Variants in ACSL1 observed in about 807,000 individuals in gnomAD.
The protein encoded by ACSL1 is acyl-CoA synthetase long chain family member 1.
ACSL1 carries 41 observed loss-of-function variants against 98.4 expected under a neutral mutation model. That is an observed-to-expected ratio of 0.42 (90% CI 0.32 to 0.54). The LOEUF is 0.54. Among genes scored for constraint, ACSL1 ranks in the 20% least tolerant of loss-of-function variants. ACSL1 has a pLI of 0.13. For missense variants in ACSL1, 734 were observed against 883.1 expected, an observed-to-expected ratio of 0.83 and a Z score of 2.14; for synonymous variants, 316 against 322.7, an observed-to-expected ratio of 0.98 and a Z score of 0.22.
chr4:184,798,552 G>A, intron 2 of ACSL1: 1 of 181,496 alleles, frequency 5.5e-6, no homozygotes, highest in Admixed American at 5.4e-5. Context: ...CTTGCATGGG[G>A]CTCATCACCA....
At chr4:184,797,799 A>G (rs1579932518) in intron 2 of ACSL1, among the ~76,000 whole-genome samples, 1 of 152,300 alleles carries the variant, frequency 6.6e-6, no homozygotes, top group East Asian at 1.9e-4. Flanking sequence ...CCCTGAGGGC[A>G]GCAGCCTTCT....
At chr4:184,798,561 C>A in intron 2 of ACSL1, 1 of 173,950 alleles carries the variant, frequency 5.7e-6, no homozygotes, top group Non-Finnish European at 1.2e-5. Context: ...GGCTCATCAC[C>A]AATGGCCCCC....
chr4:184,775,656 G>T (rs980471695), intron 7 of ACSL1, among the ~76,000 whole-genome samples: 4 of 152,156 alleles, frequency 2.6e-5, no homozygotes, highest in African/African-American at 7.2e-5. Context: ...TGCCTACTGG[G>T]TTCCTCAGGA....
At chr4:184,786,691 T>C (rs941658525) in intron 3 of ACSL1, among the ~76,000 whole-genome samples, 32 of 119,638 alleles carry the variant, frequency 2.7e-4, no homozygotes, top group African/African-American at 8.3e-4. Context: ...ATAGGCACTT[T>C]CTTTTTTTTT....
In ACSL1 at chr4:184,803,428, C is replaced by T. The variant is rs755249538; in HGVS notation, c.87G>A (p.Thr29=). 1.2e-5 allele frequency: 19 copies of T among 1,613,990 alleles called. No individual in the cohort carries two copies. The South Asian group carries it at 1.4e-4, about 12-fold the overall frequency. The change falls in exon 2 of 21, where the codon ACG becomes ACA. Residue 29 remains threonine, a synonymous_variant. Transcript: ENST00000281455. This position sits in a 1 kb window ranked among gnomAD's most constrained non-coding sequence, Gnocchi z 4.8. ...RQYVRTLPTN[T]LMGFGAFAAL... Reference sequence around the variant, plus strand: ...CTGCAAAAGCTCCGAAGCCCATAAGCGTGTTGGTCGGAAGAGTACGCACGT... The same window carrying T: ...CTGCAAAAGCTCCGAAGCCCATAAGTGTGTTGGTCGGAAGAGTACGCACGT...
Position 184,757,389 on chromosome 4 carries a change from G to GA in ACSL1, c.1957-125_1957-124insT. On this transcript the variant is annotated intron_variant, in intron 20 of 20. Coordinates refer to ENST00000281455, the MANE Select transcript of ACSL1 (RefSeq NM_001995.5). This position sits in a 1 kb window ranked among gnomAD's most constrained non-coding sequence, Gnocchi z 4.5. The stretch of plus-strand genomic sequence containing the variant: ...CAATCCATCCTCTCATTTCAGCCAA[G>GA]CTGCACCTTCTCAACAAAGGACAGG... 1 of 1,267,856 alleles carries GA rather than the reference G, an allele frequency of 7.9e-7. No homozygotes were observed. The highest frequency in any genetic ancestry group is 1.1e-6 in the Non-Finnish European group (1 of 929,942). 78.5% of individuals were successfully genotyped at this position (1,267,856 alleles called of 1,614,324 possible). A position where few individuals can be genotyped will look rare whatever the true frequency, so the allele number is the denominator to read the frequency against.
At position 184,810,275 on chromosome 4, in the gene ACSL1, G is replaced by A. The variant is rs200107427; in HGVS notation, c.-32-6729C>T. Among the ~76,000 whole-genome samples the A allele has an allele frequency of 7.9e-5, 12 of 152,320 alleles. No homozygotes were observed. The East Asian group carries it at 2.3e-3, about 29-fold the overall frequency. ...GACCTGTACAAGGACCCATGACTAG[G>A]ACTGGTAGAGACGGTTTCAGGACAA... On this transcript the variant is annotated intron_variant, in intron 1 of 20. Transcript: ENST00000281455.
Position 184,773,233 on chromosome 4 carries a change from G to T in ACSL1, c.842-79C>A. The T allele has an allele frequency of 7.8e-7, 1 of 1,280,762 alleles. No individual in the cohort carries two copies. Among genetic ancestry groups the T allele is most frequent in the Non-Finnish European group, 1.1e-6 (1 of 888,356 alleles). The allele number at this position is 1,280,762 out of a possible 1,614,324, so 79.3% of individuals were successfully genotyped here. The stretch of plus-strand genomic sequence containing the variant: ...GGCCCAGAAACCTCACATAATTAGG[G>T]CTTCAGACACCTCTACTGTTAGATA... On this transcript the variant is annotated intron_variant, in intron 9 of 20. Coordinates refer to ENST00000281455, the MANE Select transcript of ACSL1 (RefSeq NM_001995.5). This position sits in a 1 kb window ranked among gnomAD's most constrained non-coding sequence, Gnocchi z 4.3.
intron 5 of ACSL1, 101 bp from the exon 6 acceptor site, chr4:184,777,084 G>A (rs778125569): frequency 2.6e-5 from 28 of 1,071,238 alleles, no homozygotes; most frequent in African/African-American, 3.1e-5. Flanking sequence ...AACATTTGAC[G>A]CAGCAAAATT....
At chr4:184,774,476 T>G (rs1431824131) in intron 7 of ACSL1, among the ~76,000 whole-genome samples, 1 of 152,138 alleles carries the variant, frequency 6.6e-6, no homozygotes, top group Admixed American at 6.5e-5. Context: ...CAGCAGACCC[T>G]CTAAGACTCC....
At position 184,773,899 on chromosome 4, in the gene ACSL1, C is replaced by G. The variant is rs779572401; in HGVS notation, c.757-24G>C. 10 of 1,613,652 alleles carry G rather than the reference C, an allele frequency of 6.2e-6. No individual in the cohort carries two copies. The highest frequency in any genetic ancestry group is 2.2e-5 in the South Asian group (2 of 91,044). On this transcript the variant is annotated intron_variant, in intron 7 of 20. Coordinates refer to ENST00000281455, the MANE Select transcript of ACSL1 (RefSeq NM_001995.5). This position sits in a 1 kb window ranked among gnomAD's most constrained non-coding sequence, Gnocchi z 4.3. ...TCCTTAATTAGAAGAGAAAAAAAGT[C>G]TTAAATGGAAACGTTTTCTAACTGT...
Position 184,804,971 on chromosome 4 carries a change from A to G in ACSL1, c.-32-1425T>C, listed in dbSNP as rs544873559. 7.9e-5 allele frequency among the ~76,000 whole-genome samples: 12 copies of G among 152,342 alleles called. No homozygotes were observed. The South Asian group carries it at 2.5e-3, about 32-fold the overall frequency. The stretch of plus-strand genomic sequence containing the variant: ...AAACTACCATCAGAGTGAACAGGCA[A>G]CCTACAGAATGGGAGAAAATTTTTG... On this transcript the variant is annotated intron_variant, in intron 1 of 20. Transcript: ENST00000281455.
intron 2 of ACSL1, among the ~76,000 whole-genome samples, chr4:184,799,657 G>A (rs1413195217): frequency 6.6e-6 from 1 of 152,106 alleles, no homozygotes; most frequent in Non-Finnish European, 1.5e-5. Context: ...AGACCAGCCT[G>A]GGCAACACAG....
Position 184,757,229 on chromosome 4 carries a change from T to C in ACSL1, c.1993A>G (p.Ile665Val), listed in dbSNP as rs781457920. Reference protein sequence around the residue: ...GITLHPELFSIDNGLLTPTMK... With the variant: ...GITLHPELFSVDNGLLTPTMK... ...GTTGGAGTCAGAAGGCCATTGTCGA[T>C]AGAAAATAATTCAGGGTGCAATGTG... The change falls in exon 21 of 21, where the codon ATC becomes GTC. Residue 665 changes from isoleucine to valine, a missense_variant. By Grantham distance (29) the Ile-to-Val change is conservative. Coordinates refer to ENST00000281455, the MANE Select transcript of ACSL1 (RefSeq NM_001995.5). This position sits in a 1 kb window ranked among gnomAD's most constrained non-coding sequence, Gnocchi z 4.5. The C allele has an allele frequency of 1.9e-6, 3 of 1,607,662 alleles. No individual in the cohort carries two copies. The highest frequency in any genetic ancestry group is 2.2e-5 in the East Asian group (1 of 44,650).
intron 12 of ACSL1, among the ~76,000 whole-genome samples, chr4:184,767,221 G>A (rs1423321440): frequency 6.7e-6 from 1 of 149,894 alleles, no homozygotes; most frequent in Non-Finnish European, 1.5e-5. Flanking sequence ...GGTGGAGGCT[G>A]CAGTGAGCCA....
chr4:184,779,407 A>C (rs577752946), intron 5 of ACSL1, among the ~76,000 whole-genome samples: 6 of 152,154 alleles, frequency 3.9e-5, no homozygotes, highest in Non-Finnish European at 7.3e-5. Flanking sequence ...GTGAAACTGC[A>C]AGTCCAATTA....
intron 1 of ACSL1, among the ~76,000 whole-genome samples, chr4:184,806,378 A>G (rs1278029205): frequency 1.3e-5 from 2 of 152,172 alleles, no homozygotes; most frequent in African/African-American, 4.8e-5. Flanking sequence ...TTCCACCTCT[A>G]GTTGTCTTCA....
intron 1 of ACSL1, among the ~76,000 whole-genome samples, chr4:184,811,148 G>A (rs144720736): frequency 1.4e-3 from 220 of 152,072 alleles, no homozygotes; most frequent in Admixed American, 3.9e-3. Context: ...TCACTTTGTC[G>A]CCCAGGCTGG....
chr4:184,794,701 C>T (rs1033612507), intron 2 of ACSL1, among the ~76,000 whole-genome samples: 2 of 152,176 alleles, frequency 1.3e-5, no homozygotes, highest in African/African-American at 4.8e-5. Context: ...CATCCAGGTA[C>T]GTCAAGGTTT....
Sources: allele counts gnomAD v4.1 joint callset (sites outside exome capture counted in the v4.1 genomes callset), GRCh38; gene constraint gnomAD v4.1.1; non-coding constraint Gnocchi (gnomAD v3.1); transcripts MANE v1.5; gene names NCBI Gene and HGNC (gene_info 2026-07-23, HGNC 2026-07-21).